CTNNA2: variants seen among roughly 807,000 people sequenced by gnomAD.
CTNNA2 encodes catenin alpha 2, also known as catenin alpha-2.
In CTNNA2, 42 loss-of-function variants were observed where a neutral mutation model predicts 101.0. That is an observed-to-expected ratio of 0.42 (90% CI 0.32 to 0.54). CTNNA2 has a LOEUF of 0.54. CTNNA2 is among the 20% of genes least tolerant of loss of function. The pLI, the probability that CTNNA2 is intolerant of heterozygous loss-of-function variation, is 0.14. For synonymous variants in CTNNA2, 450 were observed against 456.4 expected (o/e 0.99, Z 0.18); for missense variants, 871 against 1,223.1 (o/e 0.71, Z 4.29).
chr2:80,577,137 TCCAAACTTTTGGAGTTGC>T (rs1198876070), intron 13 of CTNNA2, among the ~76,000 whole-genome samples: 1 of 152,154 alleles, frequency 6.6e-6, no homozygotes, highest in African/African-American at 2.4e-5. Flanking sequence ...TTATTAGATG[TCCAAACTTTTGGAGTTGC>T]CCTGAATACA....
chr2:80,431,713 A>ATCCGATGTCTGATCCGACAT (rs1681532911), intron 9 of CTNNA2, among the ~76,000 whole-genome samples: 1 of 152,132 alleles, frequency 6.6e-6, no homozygotes, highest in Admixed American at 6.6e-5. Context: ...TAGGTCTGTG[A>ATCCGATGTCTGATCCGACAT]CTGATCCGAT....
chr2:80,034,646 G>A (rs995167617), intron 7 of CTNNA2, among the ~76,000 whole-genome samples: 2 of 152,068 alleles, frequency 1.3e-5, no homozygotes, highest in Non-Finnish European at 2.9e-5. Context: ...GAGCCACCAC[G>A]CCCACCCTCA....
chr2:79,722,766 C>A (rs1686572516), intron 2 of CTNNA2, among the ~76,000 whole-genome samples: 1 of 152,068 alleles, frequency 6.6e-6, no homozygotes, highest in Non-Finnish European at 1.5e-5. Flanking sequence ...TTGCCTGTGT[C>A]CTAATTGGTC....
At chr2:79,669,939 C>T (rs554624458) in intron 2 of CTNNA2, among the ~76,000 whole-genome samples, 3 of 152,294 alleles carry the variant, frequency 2.0e-5, no homozygotes, top group East Asian at 3.9e-4. Flanking sequence ...CCAGCCATTC[C>T]GTGGCCTGTG....
At chr2:80,502,660 G>A (rs77085334) in intron 9 of CTNNA2, among the ~76,000 whole-genome samples, 272 of 152,254 alleles carry the variant, frequency 1.8e-3, no homozygotes, top group Non-Finnish European at 3.2e-3. Context: ...AGGCTGTCAG[G>A]CAGCTCATCA....
chr2:79,863,260 A>G (rs1048321246), intron 4 of CTNNA2, among the ~76,000 whole-genome samples: 3 of 152,242 alleles, frequency 2.0e-5, no homozygotes, highest in African/African-American at 4.8e-5. Context: ...CTTAGTTAAC[A>G]TGGTCAGGAC....
chr2:79,430,095 G>C (rs1678640554), intron 4 of CTNNA2, among the ~76,000 whole-genome samples: 1 of 152,088 alleles, frequency 6.6e-6, no homozygotes, highest in Admixed American at 6.6e-5. Flanking sequence ...GCTTCATGGA[G>C]CTTGAGAGAA....
At chr2:80,279,915 G>A (rs1674232510) in intron 7 of CTNNA2, among the ~76,000 whole-genome samples, 1 of 151,890 alleles carries the variant, frequency 6.6e-6, no homozygotes. Context: ...TTTGGAATAG[G>A]AAGAACAGCA....
chr2:80,362,338 C>T (rs1674491862), intron 7 of CTNNA2, among the ~76,000 whole-genome samples: 1 of 151,920 alleles, frequency 6.6e-6, no homozygotes, highest in South Asian at 2.1e-4. Flanking sequence ...TTTTCTAAAG[C>T]AAGAAAAAGG....
chr2:79,957,085 T>C (rs6754906), intron 7 of CTNNA2, among the ~76,000 whole-genome samples: 8,270 of 152,072 alleles, frequency 0.054, 313 homozygotes, highest in African/African-American at 0.11. Flanking sequence ...CCCTGAGAGA[T>C]AGGCAGTGCA....
chr2:80,104,479 T>TA (rs1378996157), intron 7 of CTNNA2, among the ~76,000 whole-genome samples: 1 of 152,256 alleles, frequency 6.6e-6, no homozygotes, highest in Non-Finnish European at 1.5e-5. Flanking sequence ...CCAAGAACGC[T>TA]AAAAAAACTT....
At chr2:79,537,273 T>A (rs1249223055) in intron 1 of CTNNA2, among the ~76,000 whole-genome samples, 1 of 152,202 alleles carries the variant, frequency 6.6e-6, no homozygotes, top group East Asian at 1.9e-4. Context: ...CAAATGCTCA[T>A]CAGCCTGTAA....
intron 2 of CTNNA2, among the ~76,000 whole-genome samples, chr2:79,668,011 C>A (rs565487008): frequency 1.3e-5 from 2 of 150,676 alleles, no homozygotes; most frequent in Non-Finnish European, 2.9e-5. Context: ...GAGGCCGAGG[C>A]GGGTGGATCA....
chr2:79,717,980 A>T (rs1361219801), intron 2 of CTNNA2, among the ~76,000 whole-genome samples: 1 of 151,216 alleles, frequency 6.6e-6, no homozygotes, highest in East Asian at 2.0e-4. Flanking sequence ...TGTTAGGTGG[A>T]TAGCTCTCCC....
chr2:79,283,003 G>A (rs1415146803), intron 2 of CTNNA2, among the ~76,000 whole-genome samples: 3 of 88,510 alleles, frequency 3.4e-5, no homozygotes, highest in Admixed American at 1.2e-4. Flanking sequence ...TTTCTCTGAT[G>A]GCCAGTGATG....
intron 4 of CTNNA2, among the ~76,000 whole-genome samples, chr2:79,375,237 G>A (rs1677953963): frequency 6.6e-6 from 1 of 152,146 alleles, no homozygotes; most frequent in Non-Finnish European, 1.5e-5. Flanking sequence ...TTCTGATTCT[G>A]ATTTTTACTT....
intron 18 of CTNNA2, among the ~76,000 whole-genome samples, chr2:80,631,818 C>T (rs1002461553): frequency 6.6e-6 from 1 of 152,152 alleles, no homozygotes; most frequent in Non-Finnish European, 1.5e-5. Context: ...CTAGCAAGTT[C>T]TTCCTCCCTA....
intron 9 of CTNNA2, among the ~76,000 whole-genome samples, chr2:80,493,243 G>A (rs531140797): frequency 6.6e-5 from 10 of 152,278 alleles, no homozygotes; most frequent in African/African-American, 1.7e-4. Context: ...TGGTAAGAAG[G>A]AGAAAGAATT....
chr2:80,155,071 A>G lies in CTNNA2; in HGVS notation c.1057-238140A>G, dbSNP rs560311620. Among the ~76,000 whole-genome samples the G allele has an allele frequency of 1.2e-4, 18 of 152,342 alleles. No individual in the cohort carries two copies. The Middle Eastern group carries it at 0.014, about 115-fold the overall frequency. On this transcript the variant is annotated intron_variant, in intron 7 of 18. Transcript: ENST00000402739. ...TCCTGGTCTCTTTAATGTCTAGCTT[A>G]TTTAAGGACAGCTGGATTCCCATAT...
Sources: allele counts gnomAD v4.1 joint callset (sites outside exome capture counted in the v4.1 genomes callset), GRCh38; gene constraint gnomAD v4.1.1; transcripts MANE v1.5; gene names NCBI Gene and HGNC (gene_info 2026-07-23, HGNC 2026-07-21).